PKHD1: variants seen among roughly 807,000 people sequenced by gnomAD.
PKHD1 encodes fibrocystin.
A neutral mutation model predicts 412.0 loss-of-function variants in PKHD1; 291 were observed. That is an observed-to-expected ratio of 0.71 (90% CI 0.64 to 0.78). PKHD1 has a LOEUF of 0.78. Ranked by LOEUF, PKHD1 falls within the 30% of genes least tolerant of loss-of-function variation. PKHD1 has a pLI of 0.00. For synonymous variants in PKHD1, 1,777 were observed against 1,821.5 expected (o/e 0.98, Z 0.62); for missense variants, 4,825 against 4,950.7 (o/e 0.97, Z 0.76).
intron 65 of PKHD1, 63 bp downstream of exon 65, chr6:51,632,502 T>C: frequency 1.5e-6 from 2 of 1,333,904 alleles, no homozygotes; most frequent in Non-Finnish European, 1.1e-6. Flanking sequence ...ATCATTAATA[T>C]GTTATGTATG....
At chr6:51,776,889 A>G (rs1395312584) in intron 53 of PKHD1, among the ~76,000 whole-genome samples, 2 of 152,082 alleles carry the variant, frequency 1.3e-5, no homozygotes, top group Non-Finnish European at 2.9e-5. Context: ...TCATACTTCT[A>G]TGGTATGAGA....
intron 48 of PKHD1, among the ~76,000 whole-genome samples, chr6:51,863,104 G>T (rs943222850): frequency 6.6e-6 from 1 of 152,180 alleles, no homozygotes; most frequent in African/African-American, 2.4e-5. Flanking sequence ...ACCCATTTTA[G>T]TGATGAAAGA....
rs1457221544 is a variant in PKHD1 at position 51,887,235 on chromosome 6, A to T, written c.7007T>A (p.Val2336Glu). 6.2e-7 allele frequency: 1 copy of T among 1,603,310 alleles called. No homozygotes were observed. Among genetic ancestry groups the T allele is most frequent in the Non-Finnish European group, 8.5e-7 (1 of 1,170,362 alleles). Residue 2336 changes from valine (V) to glutamate (E), a missense_variant, in exon 44 of 67, where the codon GTG (valine) becomes GAG (glutamate). Physicochemically the swap from Val to Glu is moderately radical, Grantham distance 121. Coordinates refer to ENST00000371117, the MANE Select transcript of PKHD1 (RefSeq NM_138694.4). The part of the protein sequence containing the change: ...SPTNVIEGNR[V>E]CGAGYGYFFH... ...AAAGTAGCCATAGCCAGCACCACAC[A>T]CTCTGTTCCCCTACAGAAATTAAGA...
rs932887827 is a variant in PKHD1, at chr6:51,764,654, G to A, written c.8642+8048C>T. ...GCATTATTCACAATAGCAAAGACTT[G>A]GAACCAACCCAAATGTCCAACAATG... is the stretch of plus-strand genomic sequence containing the variant. On this transcript the variant is annotated intron_variant, in intron 55 of 66. Transcript: ENST00000371117. Among the ~76,000 whole-genome samples the A allele has an allele frequency of 4.6e-5, 7 of 151,838 alleles. 1 individual carries two copies. Among genetic ancestry groups the A allele is most frequent in the Admixed American group, 3.3e-4 (5 of 15,226 alleles).
At chr6:51,956,270 G>T (rs1791110539) in intron 36 of PKHD1, among the ~76,000 whole-genome samples, 1 of 150,462 alleles carries the variant, frequency 6.6e-6, no homozygotes, top group East Asian at 2.0e-4. Flanking sequence ...ATGTATATGT[G>T]AATATGTAAG....
At chr6:51,789,170 T>C (rs527374559) in intron 53 of PKHD1, among the ~76,000 whole-genome samples, 2 of 152,238 alleles carry the variant, frequency 1.3e-5, no homozygotes, top group South Asian at 4.1e-4. Flanking sequence ...CTATGGGAAA[T>C]GGGGTGTACA....
chr6:51,797,448 G>C (rs1349913232), intron 52 of PKHD1, among the ~76,000 whole-genome samples: 1 of 152,142 alleles, frequency 6.6e-6, no homozygotes, highest in Non-Finnish European at 1.5e-5. Context: ...CTCTTAGAAG[G>C]TCTCTAAGAA....
At chr6:51,904,272 TGAG>T (rs138704109) in intron 41 of PKHD1, among the ~76,000 whole-genome samples, 154 of 152,294 alleles carry the variant, frequency 1.0e-3, no homozygotes, top group South Asian at 2.1e-3. Flanking sequence ...GTTTTACTTT[TGAG>T]GAGGAGTCTA....
chr6:52,075,068 G>A (rs1163393517), intron 6 of PKHD1, among the ~76,000 whole-genome samples: 13 of 152,136 alleles, frequency 8.5e-5, no homozygotes, highest in Non-Finnish European at 2.9e-5. Flanking sequence ...TAACATCAGA[G>A]CAGCAGGGAC....
At chr6:51,914,401 G>A (rs183477994) in intron 37 of PKHD1, among the ~76,000 whole-genome samples, 5 of 152,190 alleles carry the variant, frequency 3.3e-5, no homozygotes, top group African/African-American at 1.2e-4. Flanking sequence ...ACACCTCTAT[G>A]TGTATGGTTA....
chr6:51,735,690 C>T (rs1783751608), intron 60 of PKHD1, among the ~76,000 whole-genome samples: 1 of 152,022 alleles, frequency 6.6e-6, no homozygotes, highest in African/African-American at 2.4e-5. Context: ...CTTTGGGAGG[C>T]CAAGGTAAGA....
chr6:51,897,991 C>G (rs1780430568), intron 43 of PKHD1, among the ~76,000 whole-genome samples: 1 of 151,298 alleles, frequency 6.6e-6, no homozygotes, highest in South Asian at 2.1e-4. Flanking sequence ...GCACCCAATA[C>G]AGGAGCACCC....
intron 49 of PKHD1, among the ~76,000 whole-genome samples, chr6:51,853,867 C>T (rs1328783037): frequency 6.6e-6 from 1 of 152,128 alleles, no homozygotes; most frequent in Non-Finnish European, 1.5e-5. Flanking sequence ...AGAGCATGCT[C>T]CTTTCACTCA....
chr6:51,968,390 T>G (rs1359642776), intron 35 of PKHD1, among the ~76,000 whole-genome samples: 2 of 152,156 alleles, frequency 1.3e-5, no homozygotes, highest in African/African-American at 4.8e-5. Flanking sequence ...GTTCCCTCCC[T>G]TTTCTTCTTT....
intron 50 of PKHD1, among the ~76,000 whole-genome samples, chr6:51,841,813 G>A (rs1029274806): frequency 1.3e-5 from 2 of 152,190 alleles, no homozygotes; most frequent in Admixed American, 6.5e-5. Context: ...CAGTCTTCTA[G>A]GCCAGCTGAA....
intron 22 of PKHD1, 39 bp from the exon 23 acceptor site, chr6:52,048,658 G>T (rs760922655): frequency 6.2e-7 from 1 of 1,612,800 alleles, no homozygotes; most frequent in South Asian, 1.1e-5. Context: ...CGTCTGGGTT[G>T]GGGTGTGCAC....
intron 52 of PKHD1, among the ~76,000 whole-genome samples, chr6:51,792,046 C>G (rs1488118615): frequency 1.3e-5 from 2 of 151,990 alleles, no homozygotes; most frequent in Non-Finnish European, 2.9e-5. Flanking sequence ...TACTGTTGTC[C>G]CTTAGCTTCC....
intron 35 of PKHD1, among the ~76,000 whole-genome samples, chr6:52,006,328 G>A (rs1440712329): frequency 6.7e-6 from 1 of 150,250 alleles, no homozygotes; most frequent in Admixed American, 6.6e-5. Context: ...GCACCACCAC[G>A]CTGGGCTGAT....
intron 55 of PKHD1, among the ~76,000 whole-genome samples, chr6:51,768,234 AATGTTTGGCTATTTT>A (rs1789472808): frequency 6.6e-6 from 1 of 151,852 alleles, no homozygotes; most frequent in Non-Finnish European, 1.5e-5. Flanking sequence ...TCAGATGAGT[AATGTTTGGCTATTTT>A]CAAGTGTTTA....
Sources: gnomAD v4.1 joint callset for allele counts (sites outside exome capture counted in the v4.1 genomes callset) on GRCh38, gnomAD v4.1.1 for gene constraint, MANE v1.5 for transcripts, NCBI Gene and HGNC (gene_info 2026-07-23, HGNC 2026-07-21) for gene names.